Variants in FBXL13 observed in about 807,000 individuals in gnomAD.
FBXL13 encodes F-box and leucine rich repeat protein 13.
A neutral mutation model predicts 83.6 loss-of-function variants in FBXL13; 67 were observed. The observed-to-expected ratio is 0.80, with a 90% CI of 0.66 to 0.98. The LOEUF is 0.98. Ranked by LOEUF, FBXL13 falls within the 50% of genes least tolerant of loss-of-function variation. The pLI, the probability that FBXL13 is intolerant of heterozygous loss-of-function variation, is 0.00. For synonymous variants in FBXL13, 272 were observed against 299.5 expected (o/e 0.91, Z 0.95); for missense variants, 822 against 866.5 (o/e 0.95, Z 0.64).
At chr7:102,942,271 A>G in intron 8 of FBXL13, 1 of 1,578,550 alleles carries the variant, frequency 6.3e-7, no homozygotes, top group Non-Finnish European at 8.6e-7. Flanking sequence ...TTTAAAATGA[A>G]AGGTCTCCTA....
chr7:103,068,470 G>A (rs1196283181), intron 1 of FBXL13, among the ~76,000 whole-genome samples: 1 of 152,144 alleles, frequency 6.6e-6, no homozygotes, highest in African/African-American at 2.4e-5. Context: ...AGTCACCATG[G>A]TCCAATGACC....
chr7:102,869,378 C>G (rs764274442), intron 16 of FBXL13, among the ~76,000 whole-genome samples: 2 of 152,056 alleles, frequency 1.3e-5, no homozygotes, highest in Non-Finnish European at 2.9e-5. Flanking sequence ...GATATTGAAC[C>G]CTTGTCACGT....
chr7:102,825,659 C>A (rs1029965530), intron 18 of FBXL13, among the ~76,000 whole-genome samples: 1 of 152,168 alleles, frequency 6.6e-6, no homozygotes. Context: ...ATAATGCTAT[C>A]TACAATATAA....
At chr7:102,878,234 C>A in intron 15 of FBXL13, 97 bp downstream of exon 16, 2 of 1,105,104 alleles carry the variant, frequency 1.8e-6, no homozygotes, top group Non-Finnish European at 2.4e-6. Context: ...TGATGTTCCC[C>A]CAAATGTCAT....
chr7:102,834,090 G>GGAAGGAGGAAGGA, intron 17 of FBXL13, among the ~76,000 whole-genome samples: 1 of 70,490 alleles, frequency 1.4e-5, no homozygotes, highest in East Asian at 3.8e-4. Context: ...GGAAAGAAAA[G>GGAAGGAGGAAGGA]AAAGAAAGAA....
chr7:102,973,655 C>G (rs1827035170), intron 6 of FBXL13: 2 of 766,334 alleles, frequency 2.6e-6, no homozygotes, highest in East Asian at 4.9e-5. Flanking sequence ...GGTCTTCGTC[C>G]CCCGTGGACC....
intron 11 of FBXL13, among the ~76,000 whole-genome samples, chr7:102,890,766 A>G (rs2129460294): frequency 6.6e-6 from 1 of 152,360 alleles, no homozygotes; most frequent in Non-Finnish European, 1.5e-5. Context: ...CCTGTGAGTC[A>G]GCTAGCTCAG....
At chr7:103,006,181 A>C (rs1233805850) in intron 6 of FBXL13, among the ~76,000 whole-genome samples, 1 of 152,204 alleles carries the variant, frequency 6.6e-6, no homozygotes, top group Non-Finnish European at 1.5e-5. Context: ...TAAGCCAAGA[A>C]GACAGATCTT....
intron 8 of FBXL13, among the ~76,000 whole-genome samples, chr7:102,959,757 A>G (rs565070544): frequency 4.9e-4 from 75 of 152,232 alleles, no homozygotes; most frequent in African/African-American, 1.8e-3. Flanking sequence ...AAATATCACA[A>G]TGGAAGTACA....
chr7:103,065,106 A>T (rs1002328112), intron 1 of FBXL13, among the ~76,000 whole-genome samples: 2 of 152,228 alleles, frequency 1.3e-5, no homozygotes, highest in Admixed American at 1.3e-4. Context: ...CACCAAACAA[A>T]CAGAAAATGA....
chr7:102,955,204 A>G (rs1824056015), intron 8 of FBXL13, among the ~76,000 whole-genome samples: 2 of 152,252 alleles, frequency 1.3e-5, no homozygotes, highest in South Asian at 4.1e-4. Context: ...CTCAGACCAC[A>G]GTGTAATCAA....
Position 103,038,420 on chromosome 7 carries a change from G to C in FBXL13, c.1-9002C>G, listed in dbSNP as rs548827984. On this transcript the variant is annotated intron_variant, in intron 2 of 19. Coordinates refer to ENST00000313221, the Ensembl canonical transcript of FBXL13. ...CAAAAGGCAGCAGACAGCTTCTGCA[G>C]ACTTAAACGTCCCTGTCTGACAGCT... 2.0e-5 allele frequency among the ~76,000 whole-genome samples: 3 copies of C among 152,380 alleles called. 1 individual carries two copies. In the South Asian group the frequency reaches 6.2e-4, roughly 32 times the overall value.
chr7:102,944,836 A>G (rs889663171), intron 8 of FBXL13: 2 of 433,800 alleles, frequency 4.6e-6, no homozygotes, highest in Non-Finnish European at 8.0e-6. Flanking sequence ...GCAATTCCAC[A>G]CTGGTAACCT....
chr7:102,941,838 AC>A (rs1821514842), intron 8 of FBXL13, among the ~76,000 whole-genome samples: 1 of 152,232 alleles, frequency 6.6e-6, no homozygotes, highest in South Asian at 2.1e-4. Context: ...TTTAGTTACA[AC>A]AAAACTAGTA....
At chr7:102,816,946 T>C (rs555318247) in intron 19 of FBXL13, among the ~76,000 whole-genome samples, 1 of 152,370 alleles carries the variant, frequency 6.6e-6, no homozygotes, top group East Asian at 1.9e-4. Flanking sequence ...TTTCATTATT[T>C]TTTATGACTG....
chr7:102,973,845 C>A lies in FBXL13; in HGVS notation c.496-5728G>T, dbSNP rs1827085058. 6 of 702,470 alleles carry A rather than the reference C, an allele frequency of 8.5e-6. No individual in the cohort carries two copies. The East Asian group carries it at 1.6e-4, about 19-fold the overall frequency. The allele number at this position is 702,470 out of a possible 1,614,324, so 43.5% of individuals were successfully genotyped here. ...TCTTGGTTTCTCCAGTCTGAAAATC[C>A]AACATTGGTCCAAGAAGGCTCCGAC... On this transcript the variant is annotated intron_variant, in intron 6 of 19. Transcript: ENST00000313221.
At chr7:102,957,232 A>G (rs1384206098) in intron 8 of FBXL13, among the ~76,000 whole-genome samples, 1 of 152,194 alleles carries the variant, frequency 6.6e-6, no homozygotes, top group Non-Finnish European at 1.5e-5. Context: ...ATAACACCAC[A>G]TATCTACAAC....
chr7:102,831,677 T>C (rs1260726021), intron 18 of FBXL13, among the ~76,000 whole-genome samples: 2 of 152,136 alleles, frequency 1.3e-5, no homozygotes, highest in Non-Finnish European at 2.9e-5. Context: ...GCTTGAAGAT[T>C]GTGGTGTAAA....
At chr7:103,018,045 A>G (rs1485903182) in intron 6 of FBXL13, among the ~76,000 whole-genome samples, 1 of 152,172 alleles carries the variant, frequency 6.6e-6, no homozygotes, top group East Asian at 1.9e-4. Flanking sequence ...AGTTGAAATG[A>G]AGGAAAAAAT....
Sources: allele counts gnomAD v4.1 joint callset (sites outside exome capture counted in the v4.1 genomes callset), GRCh38; gene constraint gnomAD v4.1.1; transcripts MANE v1.5; gene names NCBI Gene and HGNC (gene_info 2026-07-23, HGNC 2026-07-21).